The following IQSEC1 variants were observed in gnomAD, a reference collection of about 807,000 sequenced individuals.
IQSEC1 encodes IQ motif and SEC7 domain-containing protein 1.
IQSEC1 carries 31 observed loss-of-function variants against 91.0 expected under a neutral mutation model. That is an observed-to-expected ratio of 0.34 (90% CI 0.26 to 0.46). IQSEC1 has a LOEUF of 0.46. IQSEC1 is among the 20% of genes least tolerant of loss of function. IQSEC1 has a pLI of 1.00. For synonymous variants in IQSEC1, 699 were observed against 662.6 expected (o/e 1.05, Z -0.84); for missense variants, 1,388 against 1,575.6 (o/e 0.88, Z 2.02).
At position 12,983,289 on chromosome 3, in the gene IQSEC1, C is replaced by G. The variant is rs116147408; in HGVS notation, c.24-41424G>C. On this transcript the variant is annotated intron_variant, in intron 1 of 13. Transcript: ENST00000613206. The surrounding 1 kb of genome is among the most constrained non-coding windows in gnomAD (Gnocchi z 4.3). Reference sequence around the variant, plus strand: ...GTGGCAAATTTAGATCAGATTAAAACGACAGCTCAGGGCACAGCTGGTAGA... The same window carrying G: ...GTGGCAAATTTAGATCAGATTAAAAGGACAGCTCAGGGCACAGCTGGTAGA... 6.6e-6 allele frequency among the ~76,000 whole-genome samples: 1 copy of G among 152,330 alleles called. No homozygotes were observed. Among genetic ancestry groups the G allele is most frequent in the Admixed American group, 6.5e-5 (1 of 15,306 alleles).
Position 12,936,182 on chromosome 3 carries a change from T to C in IQSEC1, c.834A>G (p.Lys278=), listed in dbSNP as rs1698178175. ...QTALHGMDHR[K]LDEMTASYSD... is the part of the protein sequence containing the mutation. ...TGTACGAGGCCGTCATCTCGTCCAG[T>C]TTGCGGTGGTCCATGCCGTGCAGGG... is the stretch of plus-strand genomic sequence containing the variant. The change falls in exon 3 of 14, where the codon AAA becomes AAG. Residue 278 remains lysine, a synonymous_variant. Transcript: ENST00000613206. The C allele has an allele frequency of 6.8e-6, 11 of 1,612,726 alleles. No individual in the cohort carries two copies. Among genetic ancestry groups the C allele is most frequent in the African/African-American group, 1.3e-5 (1 of 74,892 alleles).
chr3:13,167,012 C>T (rs920424806), intron 1 of IQSEC1, among the ~76,000 whole-genome samples: 4 of 152,160 alleles, frequency 2.6e-5, no homozygotes, highest in Non-Finnish European at 4.4e-5. Flanking sequence ...GATGCCTGTG[C>T]GTGTGTGCAT....
chr3:12,901,183 G>C lies in IQSEC1; in HGVS notation c.3145C>G (p.Pro1049Ala). 1 of 1,542,704 alleles carries C rather than the reference G, an allele frequency of 6.5e-7. No homozygotes were observed. Among genetic ancestry groups the C allele is most frequent in the East Asian group, 2.4e-5 (1 of 40,876 alleles). Reference protein sequence around the residue: ...PYHHHHHHHPPQHIQHAHQYH... With the variant: ...PYHHHHHHHPAQHIQHAHQYH... ...TGGTGTGCGTGCTGGATGTGCTGGG[G>C]TGGGTGGTGGTGGTGGTGATGGTGG... is the stretch of plus-strand genomic sequence containing the variant. Residue 1049 changes from proline to alanine, a missense_variant, in exon 14 of 14, where the codon CCC (proline) becomes GCC (alanine). Around this residue, in one of 2 missense-constraint regions of IQSEC1, gnomAD observed 329 missense variants for 257.8 expected, o/e 1.28. Coordinates refer to ENST00000613206, the MANE Select transcript of IQSEC1 (RefSeq NM_001134382.3).
chr3:13,079,022 G>T (rs943815511), intron 2 of IQSEC1, among the ~76,000 whole-genome samples: 1 of 152,198 alleles, frequency 6.6e-6, no homozygotes, highest in Admixed American at 6.5e-5. Context: ...AAAGAAGTAC[G>T]ATTTAGAGAG....
At chr3:13,273,052 T>G (rs1695615337) in intron 1 of IQSEC1, among the ~76,000 whole-genome samples, 1 of 152,104 alleles carries the variant, frequency 6.6e-6, no homozygotes, top group South Asian at 2.1e-4. Context: ...ACATCAAGGA[T>G]GTAATCCTTG....
chr3:13,096,502 G>A (rs1472633714), intron 2 of IQSEC1, among the ~76,000 whole-genome samples: 2 of 152,244 alleles, frequency 1.3e-5, no homozygotes, highest in Admixed American at 1.3e-4. Context: ...GGGGCATAGA[G>A]GGCAAGACGC....
chr3:12,947,410 C>G (rs144598803), intron 1 of IQSEC1, among the ~76,000 whole-genome samples: 1 of 151,956 alleles, frequency 6.6e-6, no homozygotes, highest in Non-Finnish European at 1.5e-5. Context: ...ATCTTTACAC[C>G]GAGGTCTCAG....
intron 1 of IQSEC1, among the ~76,000 whole-genome samples, chr3:13,183,584 A>G (rs1640299602): frequency 6.6e-6 from 1 of 152,168 alleles, no homozygotes; most frequent in South Asian, 2.1e-4. Context: ...AAAAAGAAAA[A>G]TGAAAAACCA....
chr3:13,041,330 G>T (rs1704259137), intron 1 of IQSEC1, among the ~76,000 whole-genome samples: 1 of 152,078 alleles, frequency 6.6e-6, no homozygotes, highest in Non-Finnish European at 1.5e-5. Context: ...TCTCTCGCTG[G>T]CACCCTCCCA....
chr3:13,007,217 G>A (rs541501332), intron 1 of IQSEC1, among the ~76,000 whole-genome samples: 17 of 152,212 alleles, frequency 1.1e-4, no homozygotes, highest in Admixed American at 8.5e-4. Context: ...ACTTAGGGTC[G>A]GGGGACAGAA....
At chr3:13,168,270 T>C (rs558345747) in intron 1 of IQSEC1, among the ~76,000 whole-genome samples, 2 of 152,368 alleles carry the variant, frequency 1.3e-5, no homozygotes, top group East Asian at 3.9e-4. Flanking sequence ...TGGCGTGATG[T>C]AGAAAAGCGT....
At chr3:12,957,460 C>A (rs953816325) in intron 1 of IQSEC1, among the ~76,000 whole-genome samples, 3 of 152,188 alleles carry the variant, frequency 2.0e-5, no homozygotes, top group African/African-American at 7.2e-5. Flanking sequence ...CCCGGCTGAG[C>A]CAAATTAAAT....
rs1210069273 is a variant in IQSEC1, at chr3:12,936,596, G to A, written c.420C>T (p.Phe140=). The A allele has an allele frequency of 9.9e-6, 16 of 1,612,996 alleles. No homozygotes were observed. In the African/African-American group the frequency reaches 1.1e-4, roughly 11 times the overall value. Residue 140 remains phenylalanine (F), a synonymous_variant, in exon 3 of 14, where the codon TTC becomes TTT. Coordinates refer to ENST00000613206, the MANE Select transcript of IQSEC1 (RefSeq NM_001134382.3). ...CTGACATGGAGCTGCGCAAGCGCTC[G>A]AAGTTCTTGTTCATCTGGTACTGGC... The part of the protein sequence containing the change: ...AFRQYQMNKN[F]ERLRSSMSEN...
chr3:12,903,246 T>C (rs1575839237), intron 12 of IQSEC1, among the ~76,000 whole-genome samples: 1 of 152,162 alleles, frequency 6.6e-6, no homozygotes, highest in Non-Finnish European at 1.5e-5. Context: ...TGGCAGGTAC[T>C]GCATGCCTAC....
chr3:12,956,200 C>T (rs566469424), intron 1 of IQSEC1, among the ~76,000 whole-genome samples: 34 of 152,300 alleles, frequency 2.2e-4, no homozygotes, highest in African/African-American at 7.7e-4. Context: ...CCCACCCACA[C>T]CTGGGCCACC....
chr3:13,022,998 C>A (rs892238323), intron 1 of IQSEC1, among the ~76,000 whole-genome samples: 1 of 152,226 alleles, frequency 6.6e-6, no homozygotes, highest in Non-Finnish European at 1.5e-5. Flanking sequence ...CAAGAACTAA[C>A]TCATCCAGTT....
At chr3:13,232,537 A>T (rs17037927) in intron 1 of IQSEC1, among the ~76,000 whole-genome samples, 8,087 of 152,162 alleles carry the variant, frequency 0.053, 610 homozygotes, top group East Asian at 0.34. Context: ...CGGGGTGGTG[A>T]CAAGCAGAGA....
At chr3:13,147,777 C>T (rs1092311) in intron 2 of IQSEC1, among the ~76,000 whole-genome samples, 41,663 of 152,050 alleles carry the variant, frequency 0.27, 5,825 homozygotes, top group East Asian at 0.47. Context: ...GTACCACAGG[C>T]GCATGCCACC....
At position 12,899,852 on chromosome 3, in the gene IQSEC1, G is replaced by C; in HGVS notation, c.*1131C>G. On this transcript the variant is annotated 3_prime_UTR_variant, in exon 14 of 14. Coordinates refer to ENST00000613206, the MANE Select transcript of IQSEC1 (RefSeq NM_001134382.3). ...GGGATGAGGACGTTATGGTGTTGGG[G>C]AGACGAGGATGAGAGCTGGTCACTT... 1.0e-6 allele frequency: 1 copy of C among 985,370 alleles called. No individual in the cohort carries two copies. Among genetic ancestry groups the C allele is most frequent in the East Asian group, 1.1e-4 (1 of 8,816 alleles). 61.0% of individuals were successfully genotyped at this position (985,370 alleles called of 1,614,324 possible). A position where few individuals can be genotyped will look rare whatever the true frequency, so the allele number is the denominator to read the frequency against.
Sources: allele counts gnomAD v4.1 joint callset (sites outside exome capture counted in the v4.1 genomes callset), GRCh38; gene constraint gnomAD v4.1.1; regional missense constraint gnomAD v4.1.1; non-coding constraint Gnocchi (gnomAD v3.1); transcripts MANE v1.5; gene names NCBI Gene and HGNC (gene_info 2026-07-23, HGNC 2026-07-21).